Variants in CCDC170 observed in about 807,000 individuals in gnomAD.
CCDC170 encodes the protein coiled-coil domain containing 170, also known as coiled-coil domain-containing protein 170.
In CCDC170, 69 loss-of-function variants were observed where a neutral mutation model predicts 72.6. The observed-to-expected ratio is 0.95, with a 90% CI of 0.78 to 1.16. The LOEUF is 1.16. Among genes scored for constraint, CCDC170 ranks in the 50% most tolerant of loss-of-function variants. The probability of loss-of-function intolerance (pLI) is 0.00; values close to 1 mark genes in which losing one functional copy is unlikely to be tolerated. For synonymous variants in CCDC170, 300 were observed against 303.9 expected (o/e 0.99, Z 0.13); for missense variants, 852 against 832.5 (o/e 1.02, Z -0.29).
intron 9 of CCDC170, among the ~76,000 whole-genome samples, chr6:151,600,085 A>G (rs1310610106): frequency 6.6e-6 from 1 of 152,170 alleles, no homozygotes; most frequent in African/African-American, 2.4e-5. Flanking sequence ...AGTGTAGAAC[A>G]GAGATCTCTC....
chr6:151,562,367 G>A (rs763276154), intron 5 of CCDC170, among the ~76,000 whole-genome samples: 2 of 152,140 alleles, frequency 1.3e-5, no homozygotes, highest in Non-Finnish European at 2.9e-5. Flanking sequence ...ATTTGCTATT[G>A]TTTGAATGGG....
At chr6:151,548,701 T>A (rs1052301856) in intron 5 of CCDC170, among the ~76,000 whole-genome samples, 9 of 142,222 alleles carry the variant, frequency 6.3e-5, no homozygotes, top group Admixed American at 1.5e-4. Context: ...CATTTAAAAA[T>A]TTTTTAATTT....
At chr6:151,586,857 T>A (rs1394148023) in intron 7 of CCDC170, among the ~76,000 whole-genome samples, 1 of 152,124 alleles carries the variant, frequency 6.6e-6, no homozygotes, top group Non-Finnish European at 1.5e-5. Context: ...TGATCTCGAC[T>A]CACTGCAACC....
Position 151,520,905 on chromosome 6 carries a change from T to G in CCDC170, c.58-15413T>G, listed in dbSNP as rs865803960. On this transcript the variant is annotated intron_variant, in intron 1 of 10. Transcript: ENST00000239374. Reference sequence around the variant, plus strand: ...ATTCCTGAAGCTCAGAGAGACTGATTTGAGTAATAAGAAAACTCTGGTCTC... The same window carrying G: ...ATTCCTGAAGCTCAGAGAGACTGATGTGAGTAATAAGAAAACTCTGGTCTC... 5.9e-5 allele frequency among the ~76,000 whole-genome samples: 9 copies of G among 152,302 alleles called. 1 individual carries two copies. The Middle Eastern group carries it at 0.017, about 288-fold the overall frequency.
intron 1 of CCDC170, among the ~76,000 whole-genome samples, chr6:151,520,008 C>A (rs1489444026): frequency 6.6e-6 from 1 of 152,174 alleles, no homozygotes; most frequent in African/African-American, 2.4e-5. Flanking sequence ...CCTATCTCAT[C>A]CTGTGATAAA....
At chr6:151,593,725 TAGAAG>T (rs2115115968) in intron 8 of CCDC170, among the ~76,000 whole-genome samples, 1 of 152,170 alleles carries the variant, frequency 6.6e-6, no homozygotes, top group East Asian at 1.9e-4. Flanking sequence ...GTGTTTGAGA[TAGAAG>T]AGAAGAAAGG....
intron 6 of CCDC170, 62 bp downstream of exon 6, chr6:151,573,553 C>A: frequency 6.9e-7 from 1 of 1,451,546 alleles, no homozygotes; most frequent in Non-Finnish European, 9.5e-7. Context: ...ATTTAGCATG[C>A]TCAGTGACTG....
At chr6:151,495,649 T>C (rs964173608) in intron 1 of CCDC170, among the ~76,000 whole-genome samples, 1 of 152,070 alleles carries the variant, frequency 6.6e-6, no homozygotes, top group African/African-American at 2.4e-5. Context: ...AGGCATGCCA[T>C]GATGCCTGGA....
chr6:151,606,368 T>C (rs1776785051), intron 9 of CCDC170, among the ~76,000 whole-genome samples: 1 of 152,256 alleles, frequency 6.6e-6, no homozygotes, highest in Admixed American at 6.5e-5. Context: ...CTTAATTTCT[T>C]CCTTGACTCC....
intron 6 of CCDC170, among the ~76,000 whole-genome samples, chr6:151,576,139 A>G (rs1776299229): frequency 6.6e-6 from 1 of 152,222 alleles, no homozygotes; most frequent in African/African-American, 2.4e-5. Flanking sequence ...GCATGCAGCC[A>G]TCCTGTTCTT....
At chr6:151,496,588 T>C (rs769583879) in intron 1 of CCDC170, among the ~76,000 whole-genome samples, 4 of 152,220 alleles carry the variant, frequency 2.6e-5, no homozygotes, top group Non-Finnish European at 5.9e-5. Flanking sequence ...TTAGAAATGA[T>C]GGAGCAGGGA....
At chr6:151,497,431 CAT>C (rs1272150413) in intron 1 of CCDC170, among the ~76,000 whole-genome samples, 1 of 152,058 alleles carries the variant, frequency 6.6e-6, no homozygotes, top group Non-Finnish European at 1.5e-5. Context: ...AAAACAGACA[CAT>C]AAAAAGATTA....
intron 7 of CCDC170, among the ~76,000 whole-genome samples, chr6:151,587,532 A>C (rs1194319816): frequency 2.0e-5 from 3 of 152,214 alleles, no homozygotes; most frequent in Admixed American, 1.3e-4. Context: ...CAAATTTGGC[A>C]TGAAAAATGC....
intron 1 of CCDC170, among the ~76,000 whole-genome samples, chr6:151,498,923 G>A (rs182678887): frequency 2.4e-4 from 36 of 149,642 alleles, no homozygotes; most frequent in Middle Eastern, 3.6e-3. Context: ...GACTGTATTT[G>A]ACTCTTCTAG....
intron 1 of CCDC170, among the ~76,000 whole-genome samples, chr6:151,513,206 G>T (rs1243478781): frequency 2.6e-5 from 4 of 152,114 alleles, no homozygotes; most frequent in African/African-American, 9.7e-5. Flanking sequence ...AACACTTGGG[G>T]AAATATTAAT....
At chr6:151,593,975 AGCAGCCTCT>A (rs1234933169) in intron 8 of CCDC170, among the ~76,000 whole-genome samples, 1 of 152,212 alleles carries the variant, frequency 6.6e-6, no homozygotes, top group Non-Finnish European at 1.5e-5. Context: ...GGGGACATTT[AGCAGCCTCT>A]GCATTTGTAA....
chr6:151,596,220 G>C, intron 8 of CCDC170, 115 bp from the exon 9 acceptor site: 1 of 1,255,776 alleles, frequency 8.0e-7, no homozygotes, highest in Non-Finnish European at 1.1e-6. Context: ...TTTTTTGATG[G>C]TTTACAAATT....
intron 5 of CCDC170, among the ~76,000 whole-genome samples, chr6:151,564,851 C>A (rs9371221): frequency 0.15 from 23,261 of 152,156 alleles, 2,211 homozygotes; most frequent in East Asian, 0.46. Flanking sequence ...TGGTGCCTAT[C>A]AGCACTGGCT....
intron 1 of CCDC170, among the ~76,000 whole-genome samples, chr6:151,530,735 A>G (rs190910909): frequency 4.6e-5 from 7 of 152,246 alleles, no homozygotes; most frequent in Middle Eastern, 3.4e-3. Context: ...GCACCTGGCC[A>G]ATATGCTTAA....
Sources: gnomAD v4.1 joint callset for allele counts (sites outside exome capture counted in the v4.1 genomes callset) on GRCh38, gnomAD v4.1.1 for gene constraint, MANE v1.5 for transcripts, NCBI Gene and HGNC (gene_info 2026-07-23, HGNC 2026-07-21) for gene names.